The following AFG1L variants were observed in gnomAD, a reference collection of about 807,000 sequenced individuals.
AFG1L encodes AFG1-like ATPase.
A neutral mutation model predicts 62.2 loss-of-function variants in AFG1L; 53 were observed. The observed-to-expected ratio is 0.85, with a 90% confidence interval of 0.68 to 1.07. The LOEUF (loss-of-function observed/expected upper bound fraction) is 1.07, where lower values mean the gene tolerates loss of function less well. Among genes scored for constraint, AFG1L ranks in the 50% least tolerant of loss-of-function variants. The pLI is 0.00. For missense variants in AFG1L, 555 were observed against 590.5 expected (o/e 0.94, Z 0.62); for synonymous variants, 228 against 210.3 (o/e 1.08, Z -0.73).
intron 1 of AFG1L, chr6:108,295,760 G>C (rs1776745605): frequency 6.6e-6 from 1 of 152,364 alleles, no homozygotes; most frequent in Admixed American, 6.6e-5. Context: ...TTTCTCCCTG[G>C]CTTCCTTCAT....
intron 8 of AFG1L, among the ~76,000 whole-genome samples, chr6:108,454,483 G>C (rs1772176447): frequency 6.6e-6 from 1 of 152,130 alleles, no homozygotes; most frequent in South Asian, 2.1e-4. Flanking sequence ...TACCCTCCTG[G>C]TAAGTCTTGA....
At chr6:108,351,953 G>C (rs1779098567) in intron 3 of AFG1L, among the ~76,000 whole-genome samples, 1 of 151,814 alleles carries the variant, frequency 6.6e-6, no homozygotes, top group African/African-American at 2.4e-5. Flanking sequence ...TTTTTATTAT[G>C]GTAAAACACA....
chr6:108,441,383 T>G (rs116415124), intron 7 of AFG1L, among the ~76,000 whole-genome samples: 78 of 152,302 alleles, frequency 5.1e-4, no homozygotes, highest in African/African-American at 1.8e-3. Context: ...CTCCCTCCTT[T>G]TCCTCTCCAA....
At chr6:108,364,467 C>A (rs1178946778) in intron 5 of AFG1L, among the ~76,000 whole-genome samples, 1 of 152,186 alleles carries the variant, frequency 6.6e-6, no homozygotes, top group African/African-American at 2.4e-5. Context: ...CTTCAGTTTT[C>A]TAAACCTTAG....
chr6:108,295,720 TC>T (rs1322860721), intron 1 of AFG1L: 2 of 152,832 alleles, frequency 1.3e-5, no homozygotes, highest in Non-Finnish European at 2.9e-5. Context: ...ACTAGGGGCT[TC>T]AGTGGAATTA....
chr6:108,318,591 A>T (rs1187624982), intron 1 of AFG1L, among the ~76,000 whole-genome samples: 1 of 152,248 alleles, frequency 6.6e-6, no homozygotes, highest in African/African-American at 2.4e-5. Flanking sequence ...TTAATAGGTT[A>T]TTCAGATGTA....
chr6:108,316,298 G>A (rs981149441), intron 1 of AFG1L, among the ~76,000 whole-genome samples: 15 of 133,452 alleles, frequency 1.1e-4, no homozygotes, highest in African/African-American at 4.1e-4. Flanking sequence ...GGAGAATGGC[G>A]TGAACCCGGG....
intron 2 of AFG1L, among the ~76,000 whole-genome samples, chr6:108,345,519 C>T (rs537630996): frequency 1.8e-4 from 28 of 151,582 alleles, no homozygotes; most frequent in African/African-American, 6.0e-4. Context: ...ATCACCATGC[C>T]GGCTGATTTT....
chr6:108,493,609 C>T (rs892280863), intron 10 of AFG1L, among the ~76,000 whole-genome samples: 3 of 152,144 alleles, frequency 2.0e-5, no homozygotes, highest in Non-Finnish European at 2.9e-5. Context: ...CTTGACTTCT[C>T]CTAGATTTTA....
At chr6:108,468,767 T>C (rs1772773021) in intron 8 of AFG1L, among the ~76,000 whole-genome samples, 1 of 151,764 alleles carries the variant, frequency 6.6e-6, no homozygotes, top group African/African-American at 2.4e-5. Context: ...TCCTTTTTTT[T>C]TTTTTTGGTC....
At chr6:108,386,809 AT>A (rs370800314) in intron 6 of AFG1L, among the ~76,000 whole-genome samples, 5 of 152,292 alleles carry the variant, frequency 3.3e-5, no homozygotes, top group Admixed American at 6.5e-5. Context: ...GTGTTTCTAC[AT>A]TTTTTTGAAG....
chr6:108,328,663 G>T (rs1778154322), intron 2 of AFG1L, among the ~76,000 whole-genome samples: 1 of 151,740 alleles, frequency 6.6e-6, no homozygotes, highest in Non-Finnish European at 1.5e-5. Flanking sequence ...CCAGCCTCCT[G>T]GAAATATATT....
chr6:108,350,212 T>C (rs1779026762), intron 3 of AFG1L, among the ~76,000 whole-genome samples: 1 of 150,852 alleles, frequency 6.6e-6, no homozygotes, highest in Admixed American at 6.6e-5. Context: ...AATAAATAAA[T>C]ACATAAGTAA....
chr6:108,378,582 G>C (rs1485761693), intron 6 of AFG1L, among the ~76,000 whole-genome samples: 1 of 152,072 alleles, frequency 6.6e-6, no homozygotes, highest in Non-Finnish European at 1.5e-5. Flanking sequence ...GCCTCCCAAA[G>C]TGCTGGGATT....
chr6:108,502,023 C>T (rs1774224456), intron 10 of AFG1L, among the ~76,000 whole-genome samples: 2 of 152,078 alleles, frequency 1.3e-5, no homozygotes, highest in South Asian at 2.1e-4. Context: ...TTTCTTGCCT[C>T]AATGTTTTGT....
chr6:108,486,208 A>G (rs1452395082), intron 10 of AFG1L, among the ~76,000 whole-genome samples: 1 of 152,128 alleles, frequency 6.6e-6, no homozygotes, highest in Non-Finnish European at 1.5e-5. Flanking sequence ...AAGCTTTAAC[A>G]CTGATGGTTT....
In AFG1L at chr6:108,369,108, C is replaced by CGT. The variant is rs1485533689; in HGVS notation, c.748+2787_748+2788dup. On this transcript the variant is annotated intron_variant, in intron 6 of 12. Coordinates refer to ENST00000368977, the MANE Select transcript of AFG1L (RefSeq NM_145315.5). ...AATGAAGATGACATGTATATGTGTG[C>CGT]GTGTGTGTGTGTATAATTTTATTTG... Among the ~76,000 whole-genome samples, 6 of 151,806 alleles carry CGT rather than the reference C, an allele frequency of 4.0e-5. No individual in the cohort carries two copies. The East Asian group carries it at 1.2e-3, about 29-fold the overall frequency.
chr6:108,492,562 C>A (rs1773817483), intron 10 of AFG1L, among the ~76,000 whole-genome samples: 4 of 152,208 alleles, frequency 2.6e-5, no homozygotes, highest in Admixed American at 2.6e-4. Flanking sequence ...TATCACAGCA[C>A]TATGTCTGAG....
At chr6:108,316,208 C>T (rs1777587595) in intron 1 of AFG1L, among the ~76,000 whole-genome samples, 1 of 150,294 alleles carries the variant, frequency 6.7e-6, no homozygotes, top group African/African-American at 2.4e-5. Flanking sequence ...GGTGAAACCC[C>T]GTCTCTACTA....
Sources: gnomAD v4.1 joint callset for allele counts (sites outside exome capture counted in the v4.1 genomes callset) on GRCh38, gnomAD v4.1.1 for gene constraint, MANE v1.5 for transcripts, NCBI Gene and HGNC (gene_info 2026-07-23, HGNC 2026-07-21) for gene names.